The following NLGN1 variants were observed in gnomAD, a reference collection of about 807,000 sequenced individuals.
NLGN1 encodes the protein neuroligin 1, also known as neuroligin-1.
In NLGN1, 12 loss-of-function variants were observed where a neutral mutation model predicts 65.5. The ratio of observed to expected loss-of-function variants is 0.18; its 90% CI spans 0.12 to 0.30. The LOEUF is 0.30. Among genes scored for constraint, NLGN1 ranks in the 10% least tolerant of loss-of-function variants. NLGN1 has a pLI of 1.00. For missense variants in NLGN1, 750 were observed against 1,007.1 expected (o/e 0.74, Z 3.46); for synonymous variants, 350 against 359.5 (o/e 0.97, Z 0.30).
At chr3:173,533,439 C>G (rs770280626) in intron 2 of NLGN1, among the ~76,000 whole-genome samples, 2 of 152,186 alleles carry the variant, frequency 1.3e-5, no homozygotes, top group East Asian at 3.9e-4. Context: ...ATTTATTACC[C>G]CATGAGTATG....
chr3:173,925,954 G>A (rs960607182), intron 4 of NLGN1, among the ~76,000 whole-genome samples: 1 of 151,816 alleles, frequency 6.6e-6, no homozygotes, highest in African/African-American at 2.4e-5. Flanking sequence ...AAGCATACAT[G>A]CCATTCAAAA....
intron 4 of NLGN1, among the ~76,000 whole-genome samples, chr3:173,927,156 C>T (rs549874001): frequency 6.6e-6 from 1 of 152,196 alleles, no homozygotes; most frequent in East Asian, 1.9e-4. Context: ...CTACACCTCC[C>T]GGGTTCAAGG....
At chr3:173,888,909 C>T (rs964112425) in intron 4 of NLGN1, among the ~76,000 whole-genome samples, 1 of 152,062 alleles carries the variant, frequency 6.6e-6, no homozygotes, top group East Asian at 1.9e-4. Context: ...ACAAGACATG[C>T]ACAAAGACAG....
chr3:173,592,034 C>G (rs1360064603), intron 2 of NLGN1, among the ~76,000 whole-genome samples: 2 of 152,058 alleles, frequency 1.3e-5, no homozygotes, highest in Non-Finnish European at 2.9e-5. Context: ...AAAAATGTAT[C>G]CTGTGGTATT....
chr3:173,878,248 G>A (rs938206364), intron 4 of NLGN1, among the ~76,000 whole-genome samples: 8 of 152,072 alleles, frequency 5.3e-5, no homozygotes, highest in South Asian at 2.1e-4. Context: ...CACCAGGTTG[G>A]TCAGGCTGGT....
At chr3:173,693,387 T>C (rs930780275) in intron 3 of NLGN1, among the ~76,000 whole-genome samples, 46 of 152,110 alleles carry the variant, frequency 3.0e-4, no homozygotes, top group African/African-American at 1.0e-3. Flanking sequence ...ATATGTAACA[T>C]GTGAGAGTAG....
chr3:174,071,481 A>G (rs1437082653), intron 4 of NLGN1, among the ~76,000 whole-genome samples: 1 of 152,168 alleles, frequency 6.6e-6, no homozygotes, highest in Admixed American at 6.5e-5. Flanking sequence ...CAGCTGTTCA[A>G]CACCAGCCTG....
At chr3:173,874,548 A>G (rs898667956) in intron 4 of NLGN1, among the ~76,000 whole-genome samples, 1 of 152,208 alleles carries the variant, frequency 6.6e-6, no homozygotes, top group Non-Finnish European at 1.5e-5. Context: ...TGTGGTTTCT[A>G]TTAAGGACAA....
intron 4 of NLGN1, among the ~76,000 whole-genome samples, chr3:173,916,672 C>T (rs1740798660): frequency 6.6e-6 from 1 of 152,026 alleles, no homozygotes; most frequent in Non-Finnish European, 1.5e-5. Context: ...ATACAAACAA[C>T]ATGAAAATTT....
intron 3 of NLGN1, among the ~76,000 whole-genome samples, chr3:173,742,318 C>T (rs1774776113): frequency 6.6e-6 from 1 of 152,040 alleles, no homozygotes; most frequent in Non-Finnish European, 1.5e-5. Context: ...GCTGATGTCG[C>T]TGTACTAGGT....
At chr3:173,438,174 C>A (rs898490012) in intron 2 of NLGN1, among the ~76,000 whole-genome samples, 5 of 147,540 alleles carry the variant, frequency 3.4e-5, no homozygotes, top group Middle Eastern at 3.6e-3. Context: ...ACATAACTTT[C>A]ACTTTAATGG....
intron 4 of NLGN1, among the ~76,000 whole-genome samples, chr3:174,051,605 G>A (rs898211487): frequency 1.3e-5 from 2 of 152,016 alleles, no homozygotes; most frequent in African/African-American, 2.4e-5. Context: ...ACATAAATGG[G>A]ACTGAAAAGC....
intron 4 of NLGN1, among the ~76,000 whole-genome samples, chr3:174,018,032 C>A (rs566268099): frequency 6.6e-6 from 1 of 152,200 alleles, no homozygotes; most frequent in East Asian, 1.9e-4. Flanking sequence ...AGACAGATGT[C>A]CCCAGAGCAG....
At chr3:174,275,186 A>AAAAT (rs1334430234) in intron 4 of NLGN1, 129 bp from the exon 5 acceptor site, 3 of 657,884 alleles carry the variant, frequency 4.6e-6, no homozygotes, top group African/African-American at 1.8e-5. Flanking sequence ...GTTATAGTGG[A>AAAAT]AAATAATTTT....
At chr3:173,573,247 G>T (rs1484404921) in intron 2 of NLGN1, among the ~76,000 whole-genome samples, 3 of 152,050 alleles carry the variant, frequency 2.0e-5, no homozygotes, top group Non-Finnish European at 2.9e-5. Flanking sequence ...TTTCTGACTT[G>T]TAAAAGTAGG....
chr3:173,625,636 T>A (rs535039502), intron 3 of NLGN1, among the ~76,000 whole-genome samples: 3 of 152,278 alleles, frequency 2.0e-5, no homozygotes, highest in Admixed American at 6.5e-5. Flanking sequence ...ATGTACTAGT[T>A]ATAGATTAAT....
chr3:173,843,971 G>A (rs1725284357), intron 4 of NLGN1, among the ~76,000 whole-genome samples: 1 of 152,140 alleles, frequency 6.6e-6, no homozygotes, highest in Non-Finnish European at 1.5e-5. Context: ...AGGTTTAATA[G>A]GACTCATAGT....
At position 173,468,748 on chromosome 3, in the gene NLGN1, G is replaced by A. The variant is rs75837141; in HGVS notation, c.-321+33670G>A. ...CTGGGATATCAAGAAGGTTCTGTCC[G>A]TTTAATGACTTTTAAAAAATAGCAC... On this transcript the variant is annotated intron_variant, in intron 2 of 6. Coordinates refer to ENST00000457714, the Ensembl canonical transcript of NLGN1. Among the ~76,000 whole-genome samples, 75 of 152,024 alleles carry A rather than the reference G, an allele frequency of 4.9e-4. No individual in the cohort carries two copies. The East Asian group carries it at 9.1e-3, about 18-fold the overall frequency.
At chr3:174,024,557 T>C (rs1372997519) in intron 4 of NLGN1, among the ~76,000 whole-genome samples, 1 of 152,198 alleles carries the variant, frequency 6.6e-6, no homozygotes, top group Non-Finnish European at 1.5e-5. Flanking sequence ...TACACAGGAC[T>C]GTAATTTGTA....
Sources: gnomAD v4.1 joint callset for allele counts (sites outside exome capture counted in the v4.1 genomes callset) on GRCh38, gnomAD v4.1.1 for gene constraint, MANE v1.5 for transcripts, NCBI Gene and HGNC (gene_info 2026-07-23, HGNC 2026-07-21) for gene names.